Variants in ZFYVE28 observed in about 807,000 individuals in gnomAD.
ZFYVE28 encodes zinc finger FYVE-type containing 28.
ZFYVE28 carries 40 observed loss-of-function variants against 82.1 expected under a neutral mutation model. The ratio of observed to expected loss-of-function variants is 0.49; its 90% CI spans 0.38 to 0.63. The LOEUF is 0.63. Ranked by LOEUF, ZFYVE28 falls within the 30% of genes least tolerant of loss-of-function variation. The pLI is 0.00. For missense variants in ZFYVE28, 1,321 were observed against 1,242.1 expected, an observed-to-expected ratio of 1.06 and a Z score of -0.96; for synonymous variants, 612 against 546.1, an observed-to-expected ratio of 1.12 and a Z score of -1.68.
intron 8 of ZFYVE28, among the ~76,000 whole-genome samples, chr4:2,282,658 C>T (rs1379759187): frequency 1.3e-5 from 2 of 152,208 alleles, no homozygotes; most frequent in African/African-American, 4.8e-5. Flanking sequence ...AACAGAAAGA[C>T]AGGACTTTGC....
chr4:2,391,349 C>A (rs147963295), intron 1 of ZFYVE28, among the ~76,000 whole-genome samples: 1 of 152,296 alleles, frequency 6.6e-6, no homozygotes, highest in East Asian at 1.9e-4. Flanking sequence ...TTCCCTCCCT[C>A]CCGTCCTGGG....
intron 1 of ZFYVE28, chr4:2,364,648 T>C: frequency 4.1e-6 from 4 of 985,486 alleles, no homozygotes; most frequent in Non-Finnish European, 4.8e-6. Flanking sequence ...CAAAGTGGGC[T>C]TAAGGACGCA....
At chr4:2,365,499 C>T (rs1726777485) in intron 1 of ZFYVE28, among the ~76,000 whole-genome samples, 1 of 152,070 alleles carries the variant, frequency 6.6e-6, no homozygotes, top group Non-Finnish European at 1.5e-5. Flanking sequence ...GAAATGCCCC[C>T]GGCCCTGCCT....
chr4:2,377,025 T>C (rs1728217767), intron 1 of ZFYVE28, among the ~76,000 whole-genome samples: 1 of 146,160 alleles, frequency 6.8e-6, no homozygotes, highest in South Asian at 2.1e-4. Context: ...AAGACTTTAC[T>C]TTTTTTTTTT....
chr4:2,374,320 T>C (rs1727882075), intron 1 of ZFYVE28, among the ~76,000 whole-genome samples: 1 of 152,198 alleles, frequency 6.6e-6, no homozygotes, highest in African/African-American at 2.4e-5. Context: ...TCAGTCAGAA[T>C]CCTGTTTCAG....
At chr4:2,306,278 G>A (rs1716555512) in intron 7 of ZFYVE28, among the ~76,000 whole-genome samples, 1 of 152,262 alleles carries the variant, frequency 6.6e-6, no homozygotes, top group African/African-American at 2.4e-5. Context: ...CTCCGGGTGT[G>A]TCTGTGGTCT....
chr4:2,326,748 T>C (rs1472628202), intron 6 of ZFYVE28, among the ~76,000 whole-genome samples: 1 of 152,248 alleles, frequency 6.6e-6, no homozygotes, highest in African/African-American at 2.4e-5. Flanking sequence ...TTTTCACCTC[T>C]GTGATAAAAA....
intron 8 of ZFYVE28, chr4:2,285,329 G>A (rs1030694890): frequency 1.3e-5 from 2 of 152,264 alleles, no homozygotes; most frequent in African/African-American, 4.8e-5. Flanking sequence ...AAACGCCCTC[G>A]TGATTTAACC....
At chr4:2,304,162 G>A in intron 8 of ZFYVE28, 127 bp downstream of exon 8, 1 of 1,275,202 alleles carries the variant, frequency 7.8e-7, no homozygotes, top group South Asian at 1.6e-5. Context: ...CACTCGGCCA[G>A]GGCCCAGCAC....
chr4:2,389,550 C>T (rs1729612565), intron 1 of ZFYVE28, among the ~76,000 whole-genome samples: 1 of 152,218 alleles, frequency 6.6e-6, no homozygotes, highest in African/African-American at 2.4e-5. Context: ...GGCCAGGCGG[C>T]TTCTGATAGA....
rs779519585 is a variant in ZFYVE28 at position 2,341,697 on chromosome 4, T to C, written c.181-82A>G. ...ATGTACTGCTGGAAAACACGCACGG[T>C]GCATGTGACTGTTTTTTAGGATTAT... On this transcript the variant is annotated intron_variant, in intron 2 of 12. Transcript: ENST00000290974. The surrounding 1 kb of genome is among the most constrained non-coding windows in gnomAD (Gnocchi z 4.5). 1.3e-6 allele frequency: 2 copies of C among 1,532,608 alleles called. No homozygotes were observed. The highest frequency in any genetic ancestry group is 1.8e-5 in the Admixed American group (1 of 54,494). The allele number at this position is 1,532,608 out of a possible 1,614,324, so 94.9% of individuals were successfully genotyped here.
At chr4:2,353,388 G>A (rs545815982) in intron 2 of ZFYVE28, among the ~76,000 whole-genome samples, 5 of 152,332 alleles carry the variant, frequency 3.3e-5, no homozygotes, top group Admixed American at 1.3e-4. Flanking sequence ...AGAACATTCC[G>A]GAACTTTGTG....
intron 3 of ZFYVE28, among the ~76,000 whole-genome samples, chr4:2,340,243 G>C (rs1335546367): frequency 6.6e-6 from 1 of 152,080 alleles, no homozygotes; most frequent in Middle Eastern, 3.2e-3. Flanking sequence ...AGAGTCCCTG[G>C]GCTCCTGGGC....
intron 1 of ZFYVE28, among the ~76,000 whole-genome samples, chr4:2,371,481 G>C (rs559416298): frequency 4.4e-4 from 67 of 152,262 alleles, no homozygotes; most frequent in Admixed American, 9.2e-4. Context: ...AAATAGTCCA[G>C]TGAGAGCCTG....
At chr4:2,296,650 C>G (rs1224126740) in intron 8 of ZFYVE28, among the ~76,000 whole-genome samples, 1 of 152,186 alleles carries the variant, frequency 6.6e-6, no homozygotes, top group Admixed American at 6.5e-5. Flanking sequence ...TAGCAAGCAC[C>G]TGCCACCGGG....
intron 6 of ZFYVE28, chr4:2,330,818 G>T: frequency 6.5e-7 from 1 of 1,534,244 alleles, no homozygotes; most frequent in Admixed American, 2.0e-5. Context: ...ACAGCATGGT[G>T]GAGACCCAGG....
At chr4:2,295,235 C>T (rs1432919301) in intron 8 of ZFYVE28, among the ~76,000 whole-genome samples, 1 of 152,212 alleles carries the variant, frequency 6.6e-6, no homozygotes, top group Non-Finnish European at 1.5e-5. Flanking sequence ...AATCTTGGCT[C>T]ATGGCAACCT....
chr4:2,404,318 A>AAAAG (rs1468847825), intron 1 of ZFYVE28, among the ~76,000 whole-genome samples: 1 of 62,066 alleles, frequency 1.6e-5, no homozygotes, highest in African/African-American at 6.6e-5. Context: ...TCAAAAAAAA[A>AAAAG]AAAAAAAAAA....
Position 2,352,459 on chromosome 4 carries a change from C to G in ZFYVE28, c.180+1474G>C, listed in dbSNP as rs534062903. ...AGAGGGAAGAAGGGTCACAAAGGAGCCAGTGGGATACGAGATGAGCCAGAG... is the reference window on the plus strand; with the variant it reads ...AGAGGGAAGAAGGGTCACAAAGGAGGCAGTGGGATACGAGATGAGCCAGAG... On this transcript the variant is annotated intron_variant, in intron 2 of 12. Transcript: ENST00000290974. Among the ~76,000 whole-genome samples, 10 of 151,738 alleles carry G rather than the reference C, an allele frequency of 6.6e-5. No individual in the cohort carries two copies. In the South Asian group the frequency reaches 2.1e-3, roughly 32 times the overall value.
Sources: allele counts gnomAD v4.1 joint callset (sites outside exome capture counted in the v4.1 genomes callset), GRCh38; gene constraint gnomAD v4.1.1; non-coding constraint Gnocchi (gnomAD v3.1); transcripts MANE v1.5; gene names NCBI Gene and HGNC (gene_info 2026-07-23, HGNC 2026-07-21).